Variants in MYH4 observed in about 807,000 individuals in gnomAD.
MYH4 encodes the protein myosin-4.
MYH4 carries 200 observed loss-of-function variants against 229.9 expected under a neutral mutation model. That is an observed-to-expected ratio of 0.87 (90% CI 0.78 to 0.98). MYH4 has a LOEUF of 0.98. Ranked by LOEUF, MYH4 falls within the 50% of genes least tolerant of loss-of-function variation. MYH4 has a pLI of 0.00. For missense variants in MYH4, 2,148 were observed against 2,332.6 expected, an observed-to-expected ratio of 0.92 and a Z score of 1.63; for synonymous variants, 761 against 834.6, an observed-to-expected ratio of 0.91 and a Z score of 1.52.
At chr17:10,466,986 A>G (rs2072775079) in intron 2 of MYH4, among the ~76,000 whole-genome samples, 1 of 152,188 alleles carries the variant, frequency 6.6e-6, no homozygotes, top group African/African-American at 2.4e-5. Context: ...TTTTTGTGAT[A>G]CTTTAAGCCT....
Position 10,445,081 on chromosome 17 carries a change from C to A in MYH4, c.5361G>T (p.Lys1787Asn). Reference protein sequence around the residue: ...QDTSAHLERMKKNMEQTVKDL... With the variant: ...QDTSAHLERMNKNMEQTVKDL... ...CCTTCACGGTCTGCTCCATGTTCTT[C>A]TTCATCCGCTCCAGGTGGGCGCTGG... is the stretch of plus-strand genomic sequence containing the variant. The change falls in exon 37 of 40, where the codon AAG (lysine) becomes AAT (asparagine). Residue 1787 changes from lysine to asparagine, a missense_variant. Physicochemically the swap from Lys to Asn is moderately conservative, Grantham distance 94. Coordinates refer to ENST00000255381, the MANE Select transcript of MYH4 (RefSeq NM_017533.2). 6.2e-7 allele frequency: 1 copy of A among 1,614,196 alleles called. No individual in the cohort carries two copies. The highest frequency in any genetic ancestry group is 8.5e-7 in the Non-Finnish European group (1 of 1,180,034).
At position 10,448,632 on chromosome 17, in the gene MYH4, T is replaced by C; in HGVS notation, c.4517A>G (p.Asn1506Ser). The C allele has an allele frequency of 3.1e-6, 5 of 1,613,926 alleles. 1 individual carries two copies. The highest frequency in any genetic ancestry group is 4.2e-6 in the Non-Finnish European group (5 of 1,179,952). ...CAGTGACTCACGTTGTAAGTTCTTA[T>C]TCTCTCGCTTTAGAGTTTCAAGATG... ...LDHLETLKRE[N>S]KNLQQEISDL... Residue 1506 changes from asparagine to serine, a missense_variant, in exon 32 of 40, where the codon AAT (asparagine) becomes AGT (serine). Asn to Ser is a conservative substitution (Grantham distance 46). Transcript: ENST00000255381.
In MYH4 at chr17:10,448,731, G is replaced by A; in HGVS notation, c.4418C>T (p.Ala1473Val). The change falls in exon 32 of 40, where the codon GCC becomes GTC. Residue 1473 changes from alanine to valine, a missense_variant. By Grantham distance (64) the Ala-to-Val change is moderately conservative. Transcript: ENST00000255381. The part of the protein sequence containing the change: ...KYEETQAELE[A>V]SQKESRSLST... Reference sequence around the variant, plus strand: ...GAGAGAACGCGACTCCTTCTGGGAGGCCTCAAGTTCAGCCTGAGTTTCCTC... The same window carrying A: ...GAGAGAACGCGACTCCTTCTGGGAGACCTCAAGTTCAGCCTGAGTTTCCTC... 1 of 1,614,072 alleles carries A rather than the reference G, an allele frequency of 6.2e-7. No homozygotes were observed. Among genetic ancestry groups the A allele is most frequent in the Non-Finnish European group, 8.5e-7 (1 of 1,180,006 alleles).
At chr17:10,460,557 C>G (rs553331174) in intron 12 of MYH4, among the ~76,000 whole-genome samples, 4 of 152,266 alleles carry the variant, frequency 2.6e-5, no homozygotes, top group Non-Finnish European at 4.4e-5. Flanking sequence ...TGATATTTAA[C>G]CTGGCAAAAG....
At position 10,447,876 on chromosome 17, in the gene MYH4, G is replaced by T. The variant is rs868761997; in HGVS notation, c.4907C>A (p.Ala1636Asp). 1 of 1,613,952 alleles carries T rather than the reference G, an allele frequency of 6.2e-7. No individual in the cohort carries two copies. The highest frequency in any genetic ancestry group is 1.1e-5 in the South Asian group (1 of 91,060). The change falls in exon 34 of 40, where the codon GCC becomes GAC. Residue 1636 changes from alanine to aspartate, a missense_variant. Physicochemically the swap from Ala to Asp is moderately radical, Grantham distance 126. Transcript: ENST00000255381. ...TAGTGCCTCAGCAGCCTGGCGGTTGGCATGGTTCAGCTGGATTTCCATTTC... is the reference window on the plus strand; with the variant it reads ...TAGTGCCTCAGCAGCCTGGCGGTTGTCATGGTTCAGCTGGATTTCCATTTC... ...LNEMEIQLNHANRQAAEALRN... is the reference protein window; with the variant it reads ...LNEMEIQLNHDNRQAAEALRN...
chr17:10,458,916 G>T (rs1394215869), intron 15 of MYH4, among the ~76,000 whole-genome samples: 1 of 152,144 alleles, frequency 6.6e-6, no homozygotes, highest in African/African-American at 2.4e-5. Flanking sequence ...ACTGTCATGG[G>T]TACACCAGGG....
chr17:10,455,155 A>G lies in MYH4; in HGVS notation c.2298+17T>C. ...AGTGATAGAATTATGACAGATAGAA[A>G]TTTGGACTGGTGATACCTTGGTATG... On this transcript the variant is annotated intron_variant, in intron 20 of 39. Transcript: ENST00000255381. 1 of 1,614,140 alleles carries G rather than the reference A, an allele frequency of 6.2e-7. No homozygotes were observed. The highest frequency in any genetic ancestry group is 8.5e-7 in the Non-Finnish European group (1 of 1,179,990).
chr17:10,467,150 C>T (rs2072776567), intron 2 of MYH4, among the ~76,000 whole-genome samples: 1 of 152,166 alleles, frequency 6.6e-6, no homozygotes, highest in Non-Finnish European at 1.5e-5. Context: ...CCCCTCTTAA[C>T]ATCGTGATGA....
chr17:10,456,439 G>T, intron 17 of MYH4, 46 bp downstream of exon 17: 1 of 1,504,248 alleles, frequency 6.6e-7, no homozygotes, highest in Non-Finnish European at 9.1e-7. Flanking sequence ...TGATGGTTTA[G>T]TTTTTTAATG....
intron 35 of MYH4, 71 bp from the exon 36 acceptor site, chr17:10,445,433 T>G: frequency 2.6e-6 from 4 of 1,560,300 alleles, no homozygotes; most frequent in Non-Finnish European, 3.5e-6. Context: ...TTTTACCTAG[T>G]GTACACAGGC....
chr17:10,456,096 T>C (rs577539424), intron 17 of MYH4, among the ~76,000 whole-genome samples, 195 bp from the exon 18 acceptor site: 3 of 152,332 alleles, frequency 2.0e-5, no homozygotes, highest in East Asian at 1.9e-4. Flanking sequence ...AATTTCAGTT[T>C]GTTATTCTCA....
rs770347916 is a variant in MYH4 at position 10,448,403 on chromosome 17, T to C, written c.4649A>G (p.Glu1550Gly). 1 of 1,609,698 alleles carries C rather than the reference T, an allele frequency of 6.2e-7. No individual in the cohort carries two copies. The highest frequency in any genetic ancestry group is 1.3e-5 in the African/African-American group (1 of 74,690). ...AGCAAATGAAAAATGTACCTCTGCT[T>C]CCTCTAGGGAAGTCTGTAGTTCACT... ...EKSELQTSLE[E>G]AEASLEHEEG... The change falls in exon 33 of 40, where the codon GAA (glutamate) becomes GGA (glycine). Residue 1550 changes from glutamate (E) to glycine (G), a missense_variant. Transcript: ENST00000255381.
rs1317489370 is a variant in MYH4, at chr17:10,452,873, T to C, written c.3171A>G (p.Arg1057=). ...CCAATTTTAGGTCACCCTCCAGTTT[T>C]CTCTTGGCTCTTTCTAAGTCCATGC... The part of the protein sequence containing the change: ...KLCMDLERAK[R]KLEGDLKLAQ... The change falls in exon 25 of 40, where the codon AGA becomes AGG. Residue 1057 remains arginine (R), a synonymous_variant. Coordinates refer to ENST00000255381, the MANE Select transcript of MYH4 (RefSeq NM_017533.2). 1 of 1,608,282 alleles carries C rather than the reference T, an allele frequency of 6.2e-7. No individual in the cohort carries two copies. The highest frequency in any genetic ancestry group is 8.5e-7 in the Non-Finnish European group (1 of 1,179,028).
chr17:10,448,058 C>G lies in MYH4; in HGVS notation c.4725G>C (p.Glu1575Asp), dbSNP rs917355687. ...IQLELNQVKS[E>D]IDRKIAEKDE... ...CTTTTTCAGCAATTTTTCGGTCAATCTCAGATTTCACCTGATTTAGCTCAA... is the reference window on the plus strand; with the variant it reads ...CTTTTTCAGCAATTTTTCGGTCAATGTCAGATTTCACCTGATTTAGCTCAA... The change falls in exon 34 of 40, where the codon GAG (glutamate) becomes GAC (aspartate). Residue 1575 changes from glutamate to aspartate, a missense_variant. Coordinates refer to ENST00000255381, the MANE Select transcript of MYH4 (RefSeq NM_017533.2). 1 of 1,614,078 alleles carries G rather than the reference C, an allele frequency of 6.2e-7. No individual in the cohort carries two copies. The highest frequency in any genetic ancestry group is 2.2e-5 in the East Asian group (1 of 44,872).
intron 11 of MYH4, 62 bp downstream of exon 11, chr17:10,462,803 G>A: frequency 2.2e-6 from 3 of 1,336,874 alleles, no homozygotes; most frequent in East Asian, 2.3e-5. Flanking sequence ...CACCCTAATA[G>A]AGGAGAGTGT....
Position 10,453,832 on chromosome 17 carries a change from G to C in MYH4, c.2745C>G (p.Thr915=). The C allele has an allele frequency of 6.2e-7, 1 of 1,614,008 alleles. No individual in the cohort carries two copies. Among genetic ancestry groups the C allele is most frequent in the Non-Finnish European group, 8.5e-7 (1 of 1,180,008 alleles). The change falls in exon 23 of 40, where the codon ACC becomes ACG. Residue 915 remains threonine, a synonymous_variant. Coordinates refer to ENST00000255381, the MANE Select transcript of MYH4 (RefSeq NM_017533.2). Reference sequence around the variant, plus strand: ...TGATTTTGGCCTCAAGTTGGATTTTGGTTTTAATCAACTGATCACATCTTT... The same window carrying C: ...TGATTTTGGCCTCAAGTTGGATTTTCGTTTTAATCAACTGATCACATCTTT... ...AEERCDQLIK[T]KIQLEAKIKE... is the part of the protein sequence containing the mutation.
chr17:10,461,227 C>T (rs543876683), intron 11 of MYH4, among the ~76,000 whole-genome samples, 173 bp from the exon 12 acceptor site: 27 of 152,230 alleles, frequency 1.8e-4, no homozygotes, highest in Middle Eastern at 3.4e-3. Flanking sequence ...CATGGCAACA[C>T]GAAGAGGTAT....
intron 13 of MYH4, 47 bp downstream of exon 13, chr17:10,460,156 G>C: frequency 2.5e-6 from 4 of 1,613,070 alleles, no homozygotes; most frequent in Non-Finnish European, 3.4e-6. Flanking sequence ...ATGAACTCCT[G>C]AGTCACTTGC....
rs375569040 is a variant in MYH4, at chr17:10,466,712, C to T, written c.34G>A (p.Glu12Lys). 10 of 1,614,076 alleles carry T rather than the reference C, an allele frequency of 6.2e-6. No individual in the cohort carries two copies. The highest frequency in any genetic ancestry group is 8.5e-6 in the Non-Finnish European group (10 of 1,180,052). Residue 12 changes from glutamate (E) to lysine (K), a missense_variant, in exon 3 of 40, where the codon GAG becomes AAG. Physicochemically the swap from Glu to Lys is moderately conservative, Grantham distance 56. Coordinates refer to ENST00000255381, the MANE Select transcript of MYH4 (RefSeq NM_017533.2). Reference sequence around the variant, plus strand: ...GACTTTCGGAGGAAAGGAGCAGCCTCCCCAAAAATGGCCATCTCAGAGTCA... The same window carrying T: ...GACTTTCGGAGGAAAGGAGCAGCCTTCCCAAAAATGGCCATCTCAGAGTCA... Reference protein sequence around the residue: ...SSDSEMAIFGEAAPFLRKSEK... With the variant: ...SSDSEMAIFGKAAPFLRKSEK...
Sources: gnomAD v4.1 joint callset for allele counts (sites outside exome capture counted in the v4.1 genomes callset) on GRCh38, gnomAD v4.1.1 for gene constraint, MANE v1.5 for transcripts, NCBI Gene and HGNC (gene_info 2026-07-23, HGNC 2026-07-21) for gene names.